The following OIT3 variants were observed in gnomAD, a reference collection of about 807,000 sequenced individuals.
The protein encoded by OIT3 is oncoprotein-induced transcript 3 protein.
A neutral mutation model predicts 52.2 loss-of-function variants in OIT3; 41 were observed. The ratio of observed to expected loss-of-function variants is 0.79; its 90% confidence interval spans 0.61 to 1.02. The LOEUF (loss-of-function observed/expected upper bound fraction) is 1.02, where lower values mean the gene tolerates loss of function less well. Ranked by LOEUF, OIT3 falls within the 50% of genes least tolerant of loss-of-function variation. OIT3 has a pLI of 0.00. For missense variants in OIT3, 634 were observed against 715.5 expected (o/e 0.89, Z 1.30); for synonymous variants, 244 against 276.9 (o/e 0.88, Z 1.18).
chr10:72,906,719 G>C lies in OIT3; in HGVS notation c.667+1G>C. On this transcript the variant is annotated splice_donor_variant, in intron 4 of 8. Coordinates refer to ENST00000334011, the MANE Select transcript of OIT3 (RefSeq NM_152635.3). LOFTEE classifies it high-confidence loss of function. Reference sequence around the variant, plus strand: ...AGAAGTGATGGCAAGACTTGTGAAGGTGAGAATGGGCAAAAAGGGACCCAA... The same window carrying C: ...AGAAGTGATGGCAAGACTTGTGAAGCTGAGAATGGGCAAAAAGGGACCCAA... 1 of 1,563,710 alleles carries C rather than the reference G, an allele frequency of 6.4e-7. No homozygotes were observed. The highest frequency in any genetic ancestry group is 8.6e-7 in the Non-Finnish European group (1 of 1,156,558).
intron 6 of OIT3, among the ~76,000 whole-genome samples, chr10:72,921,467 T>G (rs1471783031): frequency 6.6e-6 from 1 of 151,578 alleles, no homozygotes; most frequent in African/African-American, 2.4e-5. Context: ...TCATTGTGTA[T>G]TTCAGTATGT....
rs552864062 is a variant in OIT3 at position 72,927,929 on chromosome 10, C to T, written c.1368-2609C>T. On this transcript the variant is annotated intron_variant, in intron 7 of 8. Coordinates refer to ENST00000334011, the MANE Select transcript of OIT3 (RefSeq NM_152635.3). ...TAAAAAATCCTTTTTCCTTTTTCTT[C>T]TTCCTCAATTCCTAGCATATGGTAA... Among the ~76,000 whole-genome samples the T allele has an allele frequency of 2.6e-5, 4 of 152,250 alleles. No homozygotes were observed. The East Asian group carries it at 7.7e-4, about 29-fold the overall frequency.
chr10:72,904,676 G>A (rs1845963268), intron 3 of OIT3, among the ~76,000 whole-genome samples: 1 of 151,850 alleles, frequency 6.6e-6, no homozygotes, highest in African/African-American at 2.4e-5. Context: ...GGATTTTTCT[G>A]GATAATTCTG....
At chr10:72,927,735 C>A (rs1846181902) in intron 7 of OIT3, among the ~76,000 whole-genome samples, 1 of 152,134 alleles carries the variant, frequency 6.6e-6, no homozygotes, top group South Asian at 2.1e-4. Context: ...ATTGACAATT[C>A]CCAAACTGTC....
At chr10:72,924,162 AG>A (rs199508150) in intron 6 of OIT3, 66 bp from the exon 7 acceptor site, 167 of 1,334,098 alleles carry the variant, frequency 1.3e-4, no homozygotes, top group East Asian at 8.1e-4. Flanking sequence ...AGGTGAGAGG[AG>A]GGGGAAAAAA....
At chr10:72,918,675 G>C in intron 6 of OIT3, 1 of 595,844 alleles carries the variant, frequency 1.7e-6, no homozygotes, top group South Asian at 2.0e-5. Context: ...TTCGTATATG[G>C]TGTAAGGAAG....
chr10:72,928,456 A>G (rs907424435), intron 7 of OIT3, among the ~76,000 whole-genome samples: 1 of 152,138 alleles, frequency 6.6e-6, no homozygotes, highest in Admixed American at 6.5e-5. Flanking sequence ...CCTTGTAATA[A>G]CCCCTTCTGC....
At chr10:72,895,366 C>T (rs2132919393) in intron 1 of OIT3, among the ~76,000 whole-genome samples, 1 of 152,248 alleles carries the variant, frequency 6.6e-6, no homozygotes, top group African/African-American at 2.4e-5. Context: ...TTCCATATAC[C>T]ATCGCCCTTC....
chr10:72,905,363 C>T (rs547459166), intron 3 of OIT3, among the ~76,000 whole-genome samples: 1 of 152,072 alleles, frequency 6.6e-6, no homozygotes, highest in African/African-American at 2.4e-5. Context: ...CCCAGCTACT[C>T]GGAAGTCTGA....
Position 72,893,770 on chromosome 10 carries a change from C to T in OIT3, c.-29C>T, listed in dbSNP as rs927048028. ...GGAACACCAGTATTAAGAGGATTTT[C>T]CAGTGTTTCTGGCAGTTGGTCCAGA... On this transcript the variant is annotated 5_prime_UTR_variant, in exon 1 of 9. Coordinates refer to ENST00000334011, the MANE Select transcript of OIT3 (RefSeq NM_152635.3). 2 of 1,586,248 alleles carry T rather than the reference C, an allele frequency of 1.3e-6. No homozygotes were observed. The highest frequency in any genetic ancestry group is 1.4e-5 in the African/African-American group (1 of 73,614).
intron 1 of OIT3, among the ~76,000 whole-genome samples, chr10:72,897,970 T>C (rs1845891101): frequency 6.6e-6 from 1 of 152,098 alleles, no homozygotes; most frequent in African/African-American, 2.4e-5. Flanking sequence ...TCTGAACAAA[T>C]TTGTCAATTA....
In OIT3 at chr10:72,930,553, C is replaced by A; in HGVS notation, c.1383C>A (p.Asp461Glu). The part of the protein sequence containing the change: ...YLIRDGCVSD[D>E]SVKQYTSRDH... Reference sequence around the variant, plus strand: ...CTACTTTCAGCTGTGTTTCAGATGACTCGGTAAAGCAGTACACATCCCGGG... The same window carrying A: ...CTACTTTCAGCTGTGTTTCAGATGAATCGGTAAAGCAGTACACATCCCGGG... Residue 461 changes from aspartate to glutamate, a missense_variant, in exon 8 of 9, where the codon GAC becomes GAA. Coordinates refer to ENST00000334011, the MANE Select transcript of OIT3 (RefSeq NM_152635.3). 6.2e-7 allele frequency: 1 copy of A among 1,612,742 alleles called. No individual in the cohort carries two copies. Among genetic ancestry groups the A allele is most frequent in the Non-Finnish European group, 8.5e-7 (1 of 1,178,998 alleles).
intron 6 of OIT3, among the ~76,000 whole-genome samples, chr10:72,920,270 G>A (rs1846110503): frequency 1.3e-5 from 2 of 151,992 alleles, no homozygotes; most frequent in African/African-American, 2.4e-5. Flanking sequence ...TGGGGCCAGG[G>A]GTATTATCCC....
In OIT3 at chr10:72,932,111, T is replaced by A. The variant is rs1002868954; in HGVS notation, c.1468-243T>A. Among the ~76,000 whole-genome samples the A allele has an allele frequency of 3.3e-5, 5 of 152,352 alleles. No homozygotes were observed. In the South Asian group the frequency reaches 1.0e-3, roughly 32 times the overall value. ...CAGGAGTTATGAATGTGGGTTTTTT[T>A]AATCACTCATGTGACTTAAATGCAA... On this transcript the variant is annotated intron_variant, in intron 8 of 8. Transcript: ENST00000334011.
At chr10:72,911,642 C>T (rs1314800421) in intron 4 of OIT3, 75 bp from the exon 5 acceptor site, 3 of 1,514,574 alleles carry the variant, frequency 2.0e-6, no homozygotes, top group Non-Finnish European at 2.7e-6. Context: ...AAGTATAATC[C>T]CTGATGCAAA....
chr10:72,910,943 A>G (rs766069435), intron 4 of OIT3, among the ~76,000 whole-genome samples: 4 of 152,096 alleles, frequency 2.6e-5, no homozygotes, highest in South Asian at 2.1e-4. Context: ...GAATTTGACA[A>G]CCTCTGACCT....
chr10:72,925,586 A>G (rs1323251174), intron 7 of OIT3, among the ~76,000 whole-genome samples: 1 of 152,182 alleles, frequency 6.6e-6, no homozygotes, highest in Non-Finnish European at 1.5e-5. Context: ...AGACATAGAT[A>G]TAGCAGTTTG....
chr10:72,925,562 A>G (rs1340042557), intron 7 of OIT3, among the ~76,000 whole-genome samples: 5 of 152,188 alleles, frequency 3.3e-5, no homozygotes, highest in Middle Eastern at 3.2e-3. Context: ...AATAGTTGGT[A>G]GATTTTAGAA....
chr10:72,932,238 G>A (rs1846222474), intron 8 of OIT3, 116 bp from the exon 9 acceptor site: 2 of 916,866 alleles, frequency 2.2e-6, no homozygotes, highest in Non-Finnish European at 1.7e-6. Context: ...ACTTGTGGAT[G>A]TCCTTGTTAA....
Sources: gnomAD v4.1 joint callset for allele counts (sites outside exome capture counted in the v4.1 genomes callset) on GRCh38, gnomAD v4.1.1 for gene constraint, MANE v1.5 for transcripts, NCBI Gene and HGNC (gene_info 2026-07-23, HGNC 2026-07-21) for gene names.